VRK2: variants seen among roughly 807,000 people sequenced by gnomAD.
VRK2 encodes the protein VRK serine/threonine kinase 2.
Under a neutral mutation model 57.6 loss-of-function variants are expected in VRK2, and 60 were observed. The ratio of observed to expected loss-of-function variants is 1.04; its 90% CI spans 0.85 to 1.29. The LOEUF (loss-of-function observed/expected upper bound fraction) is 1.29. VRK2 is among the 50% of genes most tolerant of loss of function. VRK2 has a pLI of 0.00. For synonymous variants in VRK2, 231 were observed against 199.2 expected, an observed-to-expected ratio of 1.16 and a Z score of -1.35; for missense variants, 705 against 588.1, an observed-to-expected ratio of 1.20 and a Z score of -2.06.
At chr2:58,080,874 T>C (rs1283395835) in intron 2 of VRK2, among the ~76,000 whole-genome samples, 2 of 151,928 alleles carry the variant, frequency 1.3e-5, no homozygotes, top group Non-Finnish European at 2.9e-5. Flanking sequence ...AAATCTAAGA[T>C]ATTATGTACA....
At position 58,114,284 on chromosome 2, in the gene VRK2, G is replaced by T. The variant is rs60225858; in HGVS notation, c.544-8817G>T. Reference sequence around the variant, plus strand: ...TTTACTTCAAGAGTTTAGAGTGGCAGTTTGGGGATAGCACCAGGAGATACC... The same window carrying T: ...TTTACTTCAAGAGTTTAGAGTGGCATTTTGGGGATAGCACCAGGAGATACC... On this transcript the variant is annotated intron_variant, in intron 7 of 12. Coordinates refer to ENST00000340157, the MANE Select transcript of VRK2 (RefSeq NM_006296.7). Among the ~76,000 whole-genome samples, 838 of 149,686 alleles carry T rather than the reference G, an allele frequency of 5.6e-3. 12 individuals are homozygous for T. Among genetic ancestry groups the T allele is most frequent in the African/African-American group, 0.02 (781 of 39,098 alleles).
intron 1 of VRK2, among the ~76,000 whole-genome samples, chr2:57,999,029 A>G (rs1470439455): frequency 6.6e-6 from 1 of 152,094 alleles, no homozygotes; most frequent in Non-Finnish European, 1.5e-5. Context: ...GAAAAAATTT[A>G]TATCTACTGG....
At chr2:58,089,585 A>C in intron 6 of VRK2, 46 bp from the exon 7 acceptor site, 1 of 1,184,458 alleles carries the variant, frequency 8.4e-7, no homozygotes, top group Non-Finnish European at 1.2e-6. Flanking sequence ...ATTGATCATG[A>C]GTTCTAAATA....
rs138920923 is a variant in VRK2 at position 57,939,633 on chromosome 2, A to C, written c.-439+31794A>C. Among the ~76,000 whole-genome samples the C allele has an allele frequency of 5.9e-3, 906 of 152,310 alleles. 8 individuals carry two copies. The highest frequency in any genetic ancestry group is 0.021 in the African/African-American group (853 of 41,568). On this transcript the variant is annotated intron_variant, in intron 1 of 15. Coordinates refer to the VRK2 transcript ENST00000417641. ...TATTACATTTACCCATCTATACAAAATGTTACTTTGATTGAGAAAGTATAG... is the reference window on the plus strand; with the variant it reads ...TATTACATTTACCCATCTATACAAACTGTTACTTTGATTGAGAAAGTATAG...
chr2:58,095,093 A>G (rs1346945447), intron 7 of VRK2, among the ~76,000 whole-genome samples: 1 of 152,084 alleles, frequency 6.6e-6, no homozygotes, highest in Admixed American at 6.6e-5. Context: ...CAGGAGATAG[A>G]GACCATCCTG....
intron 1 of VRK2, among the ~76,000 whole-genome samples, chr2:57,914,728 G>A (rs1670093141): frequency 6.6e-6 from 1 of 152,064 alleles, no homozygotes; most frequent in African/African-American, 2.4e-5. Flanking sequence ...CCCTCTGAAA[G>A]TTAAGCCAGA....
intron 12 of VRK2, among the ~76,000 whole-genome samples, chr2:58,149,996 CTTT>C (rs55783668): frequency 0.012 from 1,256 of 108,330 alleles, 18 homozygotes; most frequent in African/African-American, 0.04. Context: ...TTTTTCTTTT[CTTT>C]TTTTTTTTTT....
At chr2:57,986,379 A>G (rs899649221) in intron 1 of VRK2, among the ~76,000 whole-genome samples, 26 of 152,292 alleles carry the variant, frequency 1.7e-4, no homozygotes, top group Admixed American at 1.1e-3. Context: ...TACATTTCCA[A>G]TCAAAATTCC....
rs753929551 is a variant in VRK2, at chr2:58,086,337, A to G, written c.257-2A>G. 1 of 1,597,946 alleles carries G rather than the reference A, an allele frequency of 6.3e-7. No individual in the cohort carries two copies. The highest frequency in any genetic ancestry group is 2.3e-5 in the East Asian group (1 of 44,110). The stretch of plus-strand genomic sequence containing the variant: ...TTTTTAAAAATAAATTTGTCTTTGT[A>G]GTCAAAAAGTGGATAGAACGCAAAC... On this transcript the variant is annotated splice_acceptor_variant, in intron 4 of 12. Transcript: ENST00000340157. LOFTEE classifies it high-confidence loss of function.
At position 58,088,439 on chromosome 2, in the gene VRK2, T is replaced by C; in HGVS notation, c.443T>C (p.Ile148Thr). The C allele has an allele frequency of 6.2e-7, 1 of 1,607,410 alleles. No individual in the cohort carries two copies. Among genetic ancestry groups the C allele is most frequent in the Non-Finnish European group, 8.5e-7 (1 of 1,174,850 alleles). Residue 148 changes from isoleucine to threonine, a missense_variant, in exon 6 of 13, where the codon ATC becomes ACC. Physicochemically the swap from Ile to Thr is moderately conservative, Grantham distance 89. Transcript: ENST00000340157. ...FKKSTVLQLG[I>T]RMLDVLEYIH... ...AAGTCAACTGTCCTGCAATTAGGTA[T>C]CCGAATGGTAAGAATTACTTATTTC...
chr2:58,127,237 A>T (rs183146639), intron 8 of VRK2, among the ~76,000 whole-genome samples: 5 of 152,198 alleles, frequency 3.3e-5, no homozygotes, highest in East Asian at 1.9e-4. Context: ...TAGCACTCCA[A>T]CTTACAAAAT....
intron 1 of VRK2, among the ~76,000 whole-genome samples, chr2:57,978,936 G>A (rs539708238): frequency 2.6e-5 from 4 of 150,988 alleles, no homozygotes; most frequent in African/African-American, 9.9e-5. Context: ...GTTTGGTGAA[G>A]ATGATGGCTT....
intron 1 of VRK2, among the ~76,000 whole-genome samples, chr2:57,964,565 G>C (rs1471639986): frequency 6.6e-6 from 1 of 152,074 alleles, no homozygotes; most frequent in African/African-American, 2.4e-5. Flanking sequence ...TTGTTCAAGA[G>C]CCAAATGTAT....
At chr2:58,135,539 G>T (rs1297806083) in intron 10 of VRK2, among the ~76,000 whole-genome samples, 5 of 148,698 alleles carry the variant, frequency 3.4e-5, no homozygotes, top group African/African-American at 1.2e-4. Context: ...TCCTGGTTTT[G>T]TTCCTCTATA....
At chr2:57,947,152 T>G (rs765863374) in intron 1 of VRK2, among the ~76,000 whole-genome samples, 2 of 152,144 alleles carry the variant, frequency 1.3e-5, no homozygotes, top group Non-Finnish European at 1.5e-5. Context: ...AACTGGCATT[T>G]ATTAAGTAAA....
At chr2:57,958,451 A>G (rs181509083) in intron 1 of VRK2, among the ~76,000 whole-genome samples, 50 of 148,494 alleles carry the variant, frequency 3.4e-4, no homozygotes, top group African/African-American at 1.2e-3. Context: ...ATATATTTGT[A>G]TATATATACA....
chr2:58,142,881 A>C (rs1323619110), intron 11 of VRK2, among the ~76,000 whole-genome samples: 5 of 151,910 alleles, frequency 3.3e-5, no homozygotes, highest in Admixed American at 6.6e-5. Flanking sequence ...GTAATATACT[A>C]TAATATGTTA....
chr2:58,123,126 C>G lies in VRK2; in HGVS notation c.569C>G (p.Ser190Cys), dbSNP rs1417953894. The G allele has an allele frequency of 1.2e-6, 2 of 1,601,692 alleles. No homozygotes were observed. Among genetic ancestry groups the G allele is most frequent in the Admixed American group, 1.8e-5 (1 of 56,922 alleles). ...GTTTATCTTGCAGATTATGGACTTT[C>G]CTACAGATATTGTCCCAATGGGAAC... ...DQVYLADYGL[S>C]YRYCPNGNHK... The change falls in exon 8 of 13, where the codon TCC (serine) becomes TGC (cysteine). Residue 190 changes from serine to cysteine, a missense_variant. Coordinates refer to ENST00000340157, the MANE Select transcript of VRK2 (RefSeq NM_006296.7).
At chr2:58,144,387 T>TA (rs1681805594) in intron 11 of VRK2, among the ~76,000 whole-genome samples, 1 of 151,912 alleles carries the variant, frequency 6.6e-6, no homozygotes, top group South Asian at 2.1e-4. Flanking sequence ...GAGTAGATCT[T>TA]AAGTATTCTC....
Sources: gnomAD v4.1 joint callset for allele counts (sites outside exome capture counted in the v4.1 genomes callset) on GRCh38, gnomAD v4.1.1 for gene constraint, MANE v1.5 for transcripts, NCBI Gene and HGNC (gene_info 2026-07-23, HGNC 2026-07-21) for gene names.